PRKN: variants seen among roughly 807,000 people sequenced by gnomAD.
The protein encoded by PRKN is parkin RBR E3 ubiquitin protein ligase.
A neutral mutation model predicts 59.5 loss-of-function variants in PRKN; 56 were observed. The ratio of observed to expected loss-of-function variants is 0.94; its 90% CI spans 0.76 to 1.18. The LOEUF is 1.18. Ranked by LOEUF, PRKN falls within the 50% of genes most tolerant of loss-of-function variation. The pLI, the probability that PRKN is intolerant of heterozygous loss-of-function variation, is 0.00. For synonymous variants in PRKN, 250 were observed against 222.1 expected, an observed-to-expected ratio of 1.13 and a Z score of -1.12; for missense variants, 657 against 596.4, an observed-to-expected ratio of 1.10 and a Z score of -1.06.
At chr6:162,058,275 C>A (rs1445479291) in intron 4 of PRKN, among the ~76,000 whole-genome samples, 3 of 152,166 alleles carry the variant, frequency 2.0e-5, no homozygotes, top group Non-Finnish European at 4.4e-5. Flanking sequence ...CTGCATGTAT[C>A]CCTGCAAGGT....
intron 1 of PRKN, among the ~76,000 whole-genome samples, chr6:162,567,560 C>A (rs1466281700): frequency 6.6e-6 from 1 of 151,896 alleles, no homozygotes; most frequent in Non-Finnish European, 1.5e-5. Flanking sequence ...AGGAATTACC[C>A]AAAGAAGCAA....
In PRKN at chr6:161,480,375, C is replaced by T. The variant is rs1292413129; in HGVS notation, c.1083+68479G>A. Reference sequence around the variant, plus strand: ...GTGTGACTGTACAGGTCGCACACTCCAAGCTGGCCCTATTTTCCTATTCCA... The same window carrying T: ...GTGTGACTGTACAGGTCGCACACTCTAAGCTGGCCCTATTTTCCTATTCCA... On this transcript the variant is annotated intron_variant, in intron 9 of 11. Coordinates refer to ENST00000366898, the MANE Select transcript of PRKN (RefSeq NM_004562.3). The surrounding 1 kb of genome is among the most constrained non-coding windows in gnomAD (Gnocchi z 4.1). 6.6e-6 allele frequency among the ~76,000 whole-genome samples: 1 copy of T among 152,116 alleles called. No homozygotes were observed. The highest frequency in any genetic ancestry group is 2.4e-5 in the African/African-American group (1 of 41,440).
At position 161,448,507 on chromosome 6, in the gene PRKN, G is replaced by T. The variant is rs913003893; in HGVS notation, c.1084-61630C>A. Among the ~76,000 whole-genome samples the T allele has an allele frequency of 6.6e-5, 10 of 152,292 alleles. No homozygotes were observed. The highest frequency in any genetic ancestry group is 1.9e-4 in the African/African-American group (8 of 41,564). On this transcript the variant is annotated intron_variant, in intron 9 of 11. Coordinates refer to ENST00000366898, the MANE Select transcript of PRKN (RefSeq NM_004562.3). This position sits in a 1 kb window ranked among gnomAD's most constrained non-coding sequence, Gnocchi z 5.1. ...TTGCTTCAAATTTGTAAAAAGCAAA[G>T]GTTACAGACATAAAGATCTTGCGAT...
chr6:162,425,593 T>C (rs974668619), intron 2 of PRKN, among the ~76,000 whole-genome samples: 5 of 152,150 alleles, frequency 3.3e-5, no homozygotes, highest in Non-Finnish European at 7.4e-5. Flanking sequence ...TATCCATTCT[T>C]TGAATGCCAC....
intron 2 of PRKN, among the ~76,000 whole-genome samples, chr6:162,389,017 A>AAAC (rs1554312379): frequency 2.6e-5 from 4 of 151,118 alleles, no homozygotes; most frequent in African/African-American, 9.7e-5. Context: ...GAAAAAAAAA[A>AAAC]AAAAAAACAA....
chr6:161,853,243 T>C (rs1175515919), intron 6 of PRKN, among the ~76,000 whole-genome samples: 2 of 152,224 alleles, frequency 1.3e-5, no homozygotes, highest in Non-Finnish European at 2.9e-5. Context: ...TTCTTATATG[T>C]ATCTCAGTGA....
At chr6:162,616,295 C>T (rs181450862) in intron 1 of PRKN, among the ~76,000 whole-genome samples, 209 of 152,122 alleles carry the variant, frequency 1.4e-3, no homozygotes, top group Middle Eastern at 6.8e-3. Flanking sequence ...AGGGAGCTTG[C>T]CTACTTTATT....
Position 161,581,761 on chromosome 6 carries a change from T to C in PRKN, c.872-12345A>G, listed in dbSNP as rs1289667398. On this transcript the variant is annotated intron_variant, in intron 7 of 11. Coordinates refer to ENST00000366898, the MANE Select transcript of PRKN (RefSeq NM_004562.3). This position sits in a 1 kb window ranked among gnomAD's most constrained non-coding sequence, Gnocchi z 4.5. ...TGTTTGAGGACTTAAAGGTGAGGGA[T>C]GGGAAAGTGGTCCTGCCGAGCTGCT... Among the ~76,000 whole-genome samples the C allele has an allele frequency of 2.0e-5, 3 of 152,056 alleles. No individual in the cohort carries two copies. Among genetic ancestry groups the C allele is most frequent in the Non-Finnish European group, 4.4e-5 (3 of 68,014 alleles).
At position 161,703,790 on chromosome 6, in the gene PRKN, G is replaced by A. The variant is rs562646971; in HGVS notation, c.871+81982C>T. On this transcript the variant is annotated intron_variant, in intron 7 of 11. Coordinates refer to ENST00000366898, the MANE Select transcript of PRKN (RefSeq NM_004562.3). ...GTATGTGTCTAGTCAGTTTCTACCA[G>A]CTGGAATGTAAACCACATGAGGACA... 2.8e-5 allele frequency among the ~76,000 whole-genome samples: 4 copies of A among 145,220 alleles called. No homozygotes were observed. The South Asian group carries it at 9.1e-4, about 33-fold the overall frequency.
chr6:162,710,188 G>T (rs983002350), intron 1 of PRKN, among the ~76,000 whole-genome samples: 1 of 152,010 alleles, frequency 6.6e-6, no homozygotes, highest in African/African-American at 2.4e-5. Flanking sequence ...GCCTCACATA[G>T]GCTGCTGCTT....
chr6:162,149,919 C>G lies in PRKN; in HGVS notation c.534+51212G>C, dbSNP rs552706293. 3.3e-5 allele frequency among the ~76,000 whole-genome samples: 5 copies of G among 152,260 alleles called. No homozygotes were observed. The South Asian group carries it at 6.2e-4, about 19-fold the overall frequency. Reference sequence around the variant, plus strand: ...GGATCCAAGTTTCCTGATAAATAAACCCCCATGAATGAATGTTTTGTCTTG... The same window carrying G: ...GGATCCAAGTTTCCTGATAAATAAAGCCCCATGAATGAATGTTTTGTCTTG... On this transcript the variant is annotated intron_variant, in intron 4 of 11. Coordinates refer to ENST00000366898, the MANE Select transcript of PRKN (RefSeq NM_004562.3).
intron 3 of PRKN, among the ~76,000 whole-genome samples, chr6:162,251,270 G>C (rs1779421053): frequency 6.6e-6 from 1 of 152,102 alleles, no homozygotes; most frequent in Non-Finnish European, 1.5e-5. Context: ...GGGGAGAGTG[G>C]GAGGATCAGG....
intron 6 of PRKN, among the ~76,000 whole-genome samples, chr6:161,904,981 T>G (rs946736077): frequency 1.3e-5 from 2 of 152,116 alleles, no homozygotes; most frequent in African/African-American, 4.8e-5. Context: ...AATTTTTAAC[T>G]CTTACACGGA....
intron 5 of PRKN, among the ~76,000 whole-genome samples, chr6:161,998,338 A>T (rs1174121992): frequency 1.3e-5 from 2 of 152,156 alleles, no homozygotes; most frequent in African/African-American, 4.8e-5. Context: ...TTCATTTCTC[A>T]GTAAATCATA....
chr6:161,918,638 G>A (rs770054706), intron 6 of PRKN, among the ~76,000 whole-genome samples: 10 of 152,084 alleles, frequency 6.6e-5, no homozygotes, highest in African/African-American at 2.4e-5. Context: ...AATGCTTAAC[G>A]AACTCAGTGG....
chr6:162,639,802 T>C (rs931509781), intron 1 of PRKN, among the ~76,000 whole-genome samples: 1 of 152,184 alleles, frequency 6.6e-6, no homozygotes, highest in African/African-American at 2.4e-5. Flanking sequence ...ATTATTCACA[T>C]GGATGCAAGG....
intron 4 of PRKN, among the ~76,000 whole-genome samples, chr6:162,167,207 T>C (rs1391248188): frequency 1.3e-5 from 2 of 152,196 alleles, no homozygotes; most frequent in South Asian, 2.1e-4. Context: ...ATATATAAAA[T>C]GAAGGCTCTG....
intron 1 of PRKN, among the ~76,000 whole-genome samples, chr6:162,591,822 T>C (rs1324268323): frequency 6.6e-6 from 1 of 150,792 alleles, no homozygotes. Context: ...ATAATAATAA[T>C]CCTTTGTAAT....
chr6:162,544,831 C>T (rs1199997245), intron 1 of PRKN, among the ~76,000 whole-genome samples: 1 of 150,682 alleles, frequency 6.6e-6, no homozygotes, highest in African/African-American at 2.4e-5. Context: ...GCATGTGCCA[C>T]CACGCCTGGA....
Sources: gnomAD v4.1 joint callset for allele counts (sites outside exome capture counted in the v4.1 genomes callset) on GRCh38, gnomAD v4.1.1 for gene constraint, Gnocchi (gnomAD v3.1) non-coding constraint, MANE v1.5 for transcripts, NCBI Gene and HGNC (gene_info 2026-07-23, HGNC 2026-07-21) for gene names.